The following WASF3 variants were observed in gnomAD, a reference collection of about 807,000 sequenced individuals.
The protein encoded by WASF3 is actin-binding protein WASF3.
In WASF3, 11 loss-of-function variants were observed where a neutral mutation model predicts 46.6. That is an observed-to-expected ratio of 0.24 (90% confidence interval 0.15 to 0.39). The LOEUF is 0.39. WASF3 is among the 10% of genes least tolerant of loss of function. The pLI, the probability that WASF3 is intolerant of heterozygous loss-of-function variation, is 1.00. For missense variants in WASF3, 576 were observed against 669.8 expected, an observed-to-expected ratio of 0.86 and a Z score of 1.55; for synonymous variants, 242 against 259.7, an observed-to-expected ratio of 0.93 and a Z score of 0.65.
At chr13:26,602,305 A>G (rs553176040) in intron 1 of WASF3, among the ~76,000 whole-genome samples, 2 of 152,276 alleles carry the variant, frequency 1.3e-5, no homozygotes, top group African/African-American at 4.8e-5. Context: ...TTAATTGGAG[A>G]TAGAATTTGA....
Position 26,680,077 on chromosome 13 carries a change from A to C in WASF3, c.717-977A>C, listed in dbSNP as rs753332526. 21 of 1,597,866 alleles carry C rather than the reference A, an allele frequency of 1.3e-5. No individual in the cohort carries two copies. In the African/African-American group the frequency reaches 2.7e-4, roughly 20 times the overall value. ...GAACCCTAACAGAAACCAGCAAGTA[A>C]ATGTGAGAAAAGTCAGAACAAGAAA... On this transcript the variant is annotated intron_variant, in intron 7 of 9. Transcript: ENST00000335327.
chr13:26,582,090 C>G (rs987610636), intron 1 of WASF3, among the ~76,000 whole-genome samples: 1 of 152,196 alleles, frequency 6.6e-6, no homozygotes. Flanking sequence ...TGATTTCTAA[C>G]TCATTTGATA....
chr13:26,607,711 C>G (rs1201999749), intron 1 of WASF3, among the ~76,000 whole-genome samples: 1 of 152,088 alleles, frequency 6.6e-6, no homozygotes, highest in East Asian at 1.9e-4. Flanking sequence ...AGCTCACTCA[C>G]TGCAGTGTCA....
At chr13:26,557,897 C>CG in intron 1 of WASF3, 78 bp downstream of exon 1, 2 of 286,740 alleles carry the variant, frequency 7.0e-6, no homozygotes, top group Non-Finnish European at 1.3e-5. Context: ...GGGCGGCTGT[C>CG]GGGGGAGGGG....
At chr13:26,645,305 A>T (rs569301145) in intron 3 of WASF3, among the ~76,000 whole-genome samples, 1 of 152,098 alleles carries the variant, frequency 6.6e-6, no homozygotes, top group South Asian at 2.1e-4. Context: ...AGAGAGAGCA[A>T]CCCTCACTAG....
Position 26,679,631 on chromosome 13 carries a change from C to G in WASF3, c.717-1423C>G, listed in dbSNP as rs944250084. On this transcript the variant is annotated intron_variant, in intron 7 of 9. Transcript: ENST00000335327. This position sits in a 1 kb window ranked among gnomAD's most constrained non-coding sequence, Gnocchi z 4.8. The stretch of plus-strand genomic sequence containing the variant: ...TGTAAGCCAGTGACTCGTAGTCATG[C>G]GCAGAGTCAAGCACACATCATCAGT... 6.6e-6 allele frequency among the ~76,000 whole-genome samples: 1 copy of G among 152,144 alleles called. No individual in the cohort carries two copies. The highest frequency in any genetic ancestry group is 1.5e-5 in the Non-Finnish European group (1 of 68,032).
At chr13:26,664,933 C>A in intron 3 of WASF3, 95 bp from the exon 4 acceptor site, 1 of 1,318,938 alleles carries the variant, frequency 7.6e-7, no homozygotes, top group East Asian at 2.3e-5. Flanking sequence ...CACAAAATCC[C>A]ACATGTTGAC....
At chr13:26,654,964 A>G (rs1043565349) in intron 3 of WASF3, among the ~76,000 whole-genome samples, 2 of 152,186 alleles carry the variant, frequency 1.3e-5, no homozygotes, top group African/African-American at 4.8e-5. Flanking sequence ...TACAGATACT[A>G]TAATAAAGTT....
chr13:26,575,027 G>A (rs1187564766), intron 1 of WASF3, among the ~76,000 whole-genome samples: 5 of 151,938 alleles, frequency 3.3e-5, no homozygotes, highest in South Asian at 2.1e-4. Context: ...TACTAGAGAC[G>A]GGGTTACACT....
At chr13:26,610,293 C>T (rs887204014) in intron 1 of WASF3, among the ~76,000 whole-genome samples, 4 of 152,208 alleles carry the variant, frequency 2.6e-5, no homozygotes, top group South Asian at 2.1e-4. Context: ...CTGTCCCTGC[C>T]GTTGCCCCTC....
At chr13:26,625,985 A>G (rs1168333439) in intron 2 of WASF3, 1 of 152,208 alleles carries the variant, frequency 6.6e-6, no homozygotes, top group Non-Finnish European at 1.5e-5. Context: ...CTTTTGGACC[A>G]AAGAACAGGT....
At chr13:26,633,200 C>CTTATTT (rs1881706785) in intron 2 of WASF3, among the ~76,000 whole-genome samples, 1 of 90,420 alleles carries the variant, frequency 1.1e-5, no homozygotes, top group Non-Finnish European at 2.1e-5. Context: ...TTAGTTATTT[C>CTTATTT]TTTTTTTTTT....
intron 1 of WASF3, among the ~76,000 whole-genome samples, chr13:26,587,012 C>T (rs1246606040): frequency 1.4e-5 from 2 of 142,624 alleles, no homozygotes; most frequent in African/African-American, 2.6e-5. Flanking sequence ...TTGAGGTGGG[C>T]GGATCACTTG....
chr13:26,626,415 T>TA (rs1881465251), intron 2 of WASF3: 1 of 152,184 alleles, frequency 6.6e-6, no homozygotes, highest in African/African-American at 2.4e-5. Flanking sequence ...CAGGGGTCTT[T>TA]GCTAGAAACT....
chr13:26,607,999 G>A (rs1012169862), intron 1 of WASF3, among the ~76,000 whole-genome samples: 64 of 151,476 alleles, frequency 4.2e-4, no homozygotes, highest in African/African-American at 1.3e-3. Context: ...GTCTACTGGG[G>A]CCTAGTACAG....
At chr13:26,561,242 C>T (rs1210944847) in intron 1 of WASF3, among the ~76,000 whole-genome samples, 1 of 151,928 alleles carries the variant, frequency 6.6e-6, no homozygotes, top group Non-Finnish European at 1.5e-5. Context: ...TCAAATTTGC[C>T]CTTTGGAGAA....
chr13:26,688,434 T>G lies in WASF3; in HGVS notation c.*2589T>G, dbSNP rs1419212489. 1 of 152,232 alleles carries G rather than the reference T, an allele frequency of 6.6e-6. No homozygotes were observed. The highest frequency in any genetic ancestry group is 2.4e-5 in the African/African-American group (1 of 41,456). The allele number at this position is 152,232 out of a possible 1,614,324, so 9.4% of individuals were successfully genotyped here. On this transcript the variant is annotated 3_prime_UTR_variant, in exon 10 of 10. Transcript: ENST00000335327. ...GTTTAATGTCTCCTAAGCTTTTCTC[T>G]CATAGCGTAGACCTAGGGAAGGGAT...
chr13:26,614,311 A>G (rs977833030), intron 2 of WASF3, among the ~76,000 whole-genome samples: 8 of 152,206 alleles, frequency 5.3e-5, no homozygotes, highest in African/African-American at 1.7e-4. Context: ...TCAGGAATGT[A>G]TCTGTGTTCT....
chr13:26,559,185 T>C (rs550585869), intron 1 of WASF3, among the ~76,000 whole-genome samples: 2 of 152,342 alleles, frequency 1.3e-5, no homozygotes, highest in Admixed American at 6.5e-5. Context: ...TTCTAATGAC[T>C]TCAGTGTAGT....
Sources: allele counts gnomAD v4.1 joint callset (sites outside exome capture counted in the v4.1 genomes callset), GRCh38; gene constraint gnomAD v4.1.1; non-coding constraint Gnocchi (gnomAD v3.1); transcripts MANE v1.5; gene names NCBI Gene and HGNC (gene_info 2026-07-23, HGNC 2026-07-21).